PPP2R3A: variants seen among roughly 807,000 people sequenced by gnomAD.
PPP2R3A encodes protein phosphatase 2 regulatory subunit B''alpha, also known as serine/threonine-protein phosphatase 2A regulatory subunit B'' subunit alpha.
In PPP2R3A, 80 loss-of-function variants were observed where a neutral mutation model predicts 106.9. The ratio of observed to expected loss-of-function variants is 0.75; its 90% confidence interval spans 0.62 to 0.90. The LOEUF is 0.90. Among genes scored for constraint, PPP2R3A ranks in the 40% least tolerant of loss-of-function variants. The probability of loss-of-function intolerance (pLI) is 0.00; values close to 1 mark genes in which losing one functional copy is unlikely to be tolerated. For synonymous variants in PPP2R3A, 483 were observed against 468.3 expected (o/e 1.03, Z -0.41); for missense variants, 1,386 against 1,350.4 (o/e 1.03, Z -0.41).
At chr3:136,121,527 C>T (rs966943918) in intron 13 of PPP2R3A, among the ~76,000 whole-genome samples, 4 of 152,066 alleles carry the variant, frequency 2.6e-5, no homozygotes, top group Non-Finnish European at 5.9e-5. Flanking sequence ...CACCACAACC[C>T]AGCAACATGC....
rs1185554396 is a variant in PPP2R3A, at chr3:136,145,152, G to A, written c.3439G>A (p.Val1147Met). 6.2e-6 allele frequency: 10 copies of A among 1,610,180 alleles called. No homozygotes were observed. The highest frequency in any genetic ancestry group is 8.5e-6 in the Non-Finnish European group (10 of 1,178,922). Residue 1147 changes from valine to methionine, a missense_variant, in exon 14 of 14, where the codon GTG becomes ATG. By Grantham distance (21) the Val-to-Met change is conservative (BLOSUM62 1). Coordinates refer to ENST00000264977, the MANE Select transcript of PPP2R3A (RefSeq NM_002718.5). The stretch of plus-strand genomic sequence containing the variant: ...AGAGAAATGTGGAAAGCTTCAATCA[G>A]TGGATGAAGAATAGCTGCCGGTGTC... ...LPEKCGKLQSVDEE is the reference protein window; with the variant it reads ...LPEKCGKLQSMDEE
intron 1 of PPP2R3A, among the ~76,000 whole-genome samples, chr3:135,987,436 G>A (rs565497074): frequency 6.6e-6 from 1 of 152,156 alleles, no homozygotes; most frequent in Non-Finnish European, 1.5e-5. Flanking sequence ...TTTATAATGG[G>A]CCATAAGCAT....
chr3:136,044,320 G>A (rs1173859173), intron 4 of PPP2R3A, among the ~76,000 whole-genome samples: 1 of 152,052 alleles, frequency 6.6e-6, no homozygotes, highest in Non-Finnish European at 1.5e-5. Flanking sequence ...ATCACTTGTT[G>A]AATGCTAACT....
chr3:135,981,683 A>G (rs1369108839), intron 1 of PPP2R3A, among the ~76,000 whole-genome samples: 1 of 151,862 alleles, frequency 6.6e-6, no homozygotes, highest in Non-Finnish European at 1.5e-5. Flanking sequence ...TTGCAGGGAT[A>G]AAGACAGTAA....
In PPP2R3A at chr3:136,049,272, C is replaced by T. The variant is rs1248522171; in HGVS notation, c.2380C>T (p.His794Tyr). Residue 794 changes from histidine (H) to tyrosine (Y), a missense_variant, in exon 5 of 14, where the codon CAT becomes TAT. Physicochemically the swap from His to Tyr is moderately conservative, Grantham distance 83. Coordinates refer to ENST00000264977, the MANE Select transcript of PPP2R3A (RefSeq NM_002718.5). ...TTTCTTTTATAGGTTGCTGAATAAC[C>T]ATCATGATGATGCCTCTAAATTCAT... ...IAMWRKLLNNHHDDASKFICL... is the reference protein window; with the variant it reads ...IAMWRKLLNNYHDDASKFICL... 6.2e-7 allele frequency: 1 copy of T among 1,612,094 alleles called. No homozygotes were observed. The highest frequency in any genetic ancestry group is 1.7e-5 in the Admixed American group (1 of 59,868).
chr3:136,085,086 A>G (rs532123613), intron 8 of PPP2R3A, among the ~76,000 whole-genome samples: 3 of 152,134 alleles, frequency 2.0e-5, no homozygotes, highest in South Asian at 4.1e-4. Context: ...GATCTGAGAT[A>G]TGGGAGGAGC....
In PPP2R3A at chr3:136,146,978, A is replaced by G. The variant is rs1049116069; in HGVS notation, c.*1812A>G. 4.6e-5 allele frequency: 7 copies of G among 151,748 alleles called. No homozygotes were observed. The South Asian group carries it at 1.2e-3, about 27-fold the overall frequency. The allele number at this position is 151,748 out of a possible 1,614,324, so 9.4% of individuals were successfully genotyped here. The stretch of plus-strand genomic sequence containing the variant: ...CAAAAAGTAAAAATTCAATTTTACA[A>G]TATACATTTTTTTTTTTAACTATTT... On this transcript the variant is annotated 3_prime_UTR_variant, in exon 14 of 14. Transcript: ENST00000264977.
chr3:135,987,690 C>A (rs1932976301), intron 1 of PPP2R3A, among the ~76,000 whole-genome samples: 1 of 152,044 alleles, frequency 6.6e-6, no homozygotes, highest in African/African-American at 2.4e-5. Flanking sequence ...CCTCTCTGGC[C>A]ATTTTTTGTC....
intron 2 of PPP2R3A, among the ~76,000 whole-genome samples, chr3:136,026,336 C>G (rs1168674761): frequency 1.3e-5 from 2 of 152,134 alleles, no homozygotes; most frequent in Admixed American, 6.5e-5. Flanking sequence ...GGCAGTGATT[C>G]TACCTCAGCA....
chr3:136,102,342 C>CTT (rs397874378), intron 11 of PPP2R3A, among the ~76,000 whole-genome samples, 160 bp downstream of exon 11: 3,254 of 115,956 alleles, frequency 0.028, 201 homozygotes, highest in African/African-American at 0.091. Context: ...AGTGTAGCAA[C>CTT]TTTTTTTTTT....
chr3:136,016,025 T>C (rs540774382), intron 2 of PPP2R3A, among the ~76,000 whole-genome samples: 104 of 152,272 alleles, frequency 6.8e-4, no homozygotes, highest in Middle Eastern at 6.8e-3. Context: ...GTCACTATTA[T>C]TGTCTGGCTC....
rs1211695717 is a variant in PPP2R3A at position 136,092,747 on chromosome 3, G to C, written c.2927+2080G>C. ...TTAGGGCTAATTGATTTGCAACAAG[G>C]ATGCTGGATGCCAGGACGATCCAAT... On this transcript the variant is annotated intron_variant, in intron 10 of 13. Coordinates refer to ENST00000264977, the MANE Select transcript of PPP2R3A (RefSeq NM_002718.5). Among the ~76,000 whole-genome samples the C allele has an allele frequency of 1.4e-4, 22 of 152,176 alleles. 1 individual carries two copies. Among genetic ancestry groups the C allele is most frequent in the Admixed American group, 1.4e-3 (22 of 15,272 alleles).
intron 1 of PPP2R3A, among the ~76,000 whole-genome samples, chr3:135,997,349 T>C (rs1933442904): frequency 6.6e-6 from 1 of 152,158 alleles, no homozygotes; most frequent in South Asian, 2.1e-4. Flanking sequence ...TTCTTCAGCC[T>C]CCATAAAACT....
At chr3:136,079,008 A>T in intron 7 of PPP2R3A, 1 of 276,228 alleles carries the variant, frequency 3.6e-6, no homozygotes, top group South Asian at 3.5e-5. Flanking sequence ...TGATTGTTTA[A>T]GCTTCTGTAA....
At chr3:136,139,064 T>C (rs534194092) in intron 13 of PPP2R3A, among the ~76,000 whole-genome samples, 1 of 152,136 alleles carries the variant, frequency 6.6e-6, no homozygotes, top group Non-Finnish European at 1.5e-5. Flanking sequence ...GTCTTAGATA[T>C]GCCCAGATAA....
chr3:136,016,409 G>C (rs929734996), intron 2 of PPP2R3A, among the ~76,000 whole-genome samples: 2 of 152,140 alleles, frequency 1.3e-5, no homozygotes, highest in African/African-American at 4.8e-5. Context: ...AGTGCATTCA[G>C]TGCAGTATTA....
intron 13 of PPP2R3A, among the ~76,000 whole-genome samples, chr3:136,135,311 C>G (rs1466640705): frequency 6.6e-6 from 1 of 152,028 alleles, no homozygotes; most frequent in African/African-American, 2.4e-5. Context: ...AGGAGGCTTA[C>G]AACAGCCACA....
intron 1 of PPP2R3A, among the ~76,000 whole-genome samples, chr3:135,998,228 C>A (rs1403900743): frequency 1.3e-5 from 2 of 152,200 alleles, no homozygotes; most frequent in Non-Finnish European, 2.9e-5. Flanking sequence ...TTCTTCCCTT[C>A]CTTTTTGTCT....
intron 10 of PPP2R3A, among the ~76,000 whole-genome samples, chr3:136,094,507 A>ACT (rs1258769638): frequency 6.6e-6 from 1 of 152,202 alleles, no homozygotes; most frequent in Non-Finnish European, 1.5e-5. Context: ...TTGGGTATTA[A>ACT]ACAACACACT....
Sources: allele counts gnomAD v4.1 joint callset (sites outside exome capture counted in the v4.1 genomes callset), GRCh38; gene constraint gnomAD v4.1.1; transcripts MANE v1.5; gene names NCBI Gene and HGNC (gene_info 2026-07-23, HGNC 2026-07-21).